LRCH1: variants seen among roughly 807,000 people sequenced by gnomAD.
The protein encoded by LRCH1 is leucine rich repeats and calponin homology domain containing 1.
Under a neutral mutation model 94.9 loss-of-function variants are expected in LRCH1, and 23 were observed. That is an observed-to-expected ratio of 0.24 (90% CI 0.17 to 0.34). The LOEUF is 0.34. LRCH1 is among the 10% of genes least tolerant of loss of function. LRCH1 has a pLI of 1.00. For missense variants in LRCH1, 790 were observed against 945.9 expected, an observed-to-expected ratio of 0.84 and a Z score of 2.16; for synonymous variants, 364 against 354.9, an observed-to-expected ratio of 1.03 and a Z score of -0.29.
At chr13:46,733,547 TATATAAACA>T (rs1873217595) in intron 18 of LRCH1, among the ~76,000 whole-genome samples, 1 of 152,176 alleles carries the variant, frequency 6.6e-6, no homozygotes, top group South Asian at 2.1e-4. Context: ...TGTGTGCATA[TATATAAACA>T]ATATAAACAT....
At chr13:46,718,009 C>T (rs748768791) in intron 16 of LRCH1, among the ~76,000 whole-genome samples, 3 of 152,124 alleles carry the variant, frequency 2.0e-5, no homozygotes, top group Non-Finnish European at 2.9e-5. Context: ...CTGGGCCCAC[C>T]CCTGGAGCTG....
At chr13:46,638,365 A>T (rs999734772) in intron 1 of LRCH1, among the ~76,000 whole-genome samples, 1 of 152,224 alleles carries the variant, frequency 6.6e-6, no homozygotes, top group African/African-American at 2.4e-5. Context: ...CTTCAGCAAT[A>T]TGTTAAAACT....
At chr13:46,556,327 G>T (rs1470288195) in intron 1 of LRCH1, among the ~76,000 whole-genome samples, 1 of 152,198 alleles carries the variant, frequency 6.6e-6, no homozygotes, top group Non-Finnish European at 1.5e-5. Context: ...AAGAAACATA[G>T]AATAGATGTC....
intron 3 of LRCH1, among the ~76,000 whole-genome samples, chr13:46,675,459 C>G (rs2051659033): frequency 6.6e-6 from 1 of 152,132 alleles, no homozygotes; most frequent in African/African-American, 2.4e-5. Context: ...TTAAAACCTG[C>G]TTTTCTAATC....
At chr13:46,585,966 T>C (rs2050430847) in intron 1 of LRCH1, among the ~76,000 whole-genome samples, 1 of 152,244 alleles carries the variant, frequency 6.6e-6, no homozygotes, top group South Asian at 2.1e-4. Flanking sequence ...CCCTGTTTTG[T>C]AATTTCCCAG....
chr13:46,690,880 A>G (rs756770291), intron 7 of LRCH1, among the ~76,000 whole-genome samples: 33 of 152,194 alleles, frequency 2.2e-4, no homozygotes, highest in Non-Finnish European at 4.0e-4. Context: ...TCCCATTTAG[A>G]TGACATTGTG....
intron 1 of LRCH1, among the ~76,000 whole-genome samples, chr13:46,606,611 G>A (rs193156430): frequency 7.8e-4 from 118 of 152,194 alleles, no homozygotes; most frequent in Admixed American, 4.5e-3. Context: ...TCACTCTGTC[G>A]CCCATGCTGG....
intron 1 of LRCH1, among the ~76,000 whole-genome samples, chr13:46,621,150 C>T (rs1027760203): frequency 4.6e-5 from 7 of 152,328 alleles, no homozygotes; most frequent in South Asian, 4.1e-4. Flanking sequence ...ACATGCGTTC[C>T]GCTAGTGTCA....
At chr13:46,565,812 A>AAGTAATAATAAT (rs111417920) in intron 1 of LRCH1, among the ~76,000 whole-genome samples, 3 of 140,146 alleles carry the variant, frequency 2.1e-5, no homozygotes, top group African/African-American at 7.9e-5. Context: ...TCTGTCTCCA[A>AAGTAATAATAAT]AATAATAATA....
chr13:46,615,594 C>T (rs543251775), intron 1 of LRCH1, among the ~76,000 whole-genome samples: 4 of 152,282 alleles, frequency 2.6e-5, no homozygotes, highest in Non-Finnish European at 4.4e-5. Flanking sequence ...AACCCAGCTT[C>T]GAGCTCCCTT....
chr13:46,624,488 C>T lies in LRCH1; in HGVS notation c.308-25713C>T, dbSNP rs1594294947. Among the ~76,000 whole-genome samples, 3 of 152,302 alleles carry T rather than the reference C, an allele frequency of 2.0e-5. No homozygotes were observed. In the South Asian group the frequency reaches 6.2e-4, roughly 32 times the overall value. ...AGACGGGGCTATTGCATTCCATTTT[C>T]AGGGAATGCTCTTTCATTTTTCGTT... On this transcript the variant is annotated intron_variant, in intron 1 of 19. Transcript: ENST00000389797.
chr13:46,747,649 G>T (rs996309650), downstream of LRCH1, among the ~76,000 whole-genome samples: 3 of 152,284 alleles, frequency 2.0e-5, no homozygotes, highest in Non-Finnish European at 2.9e-5. Context: ...TTCAAAAATT[G>T]CTGTTCACAT....
chr13:46,558,036 T>TAAACAAAC (rs148392778), intron 1 of LRCH1, among the ~76,000 whole-genome samples: 4 of 151,638 alleles, frequency 2.6e-5, no homozygotes, highest in Non-Finnish European at 5.9e-5. Context: ...GACCCTGCCT[T>TAAACAAAC]AAACAAACAA....
chr13:46,681,796 C>T lies in LRCH1; in HGVS notation c.635C>T (p.Ser212Phe), dbSNP rs761448015. The change falls in exon 4 of 20, where the codon TCT (serine) becomes TTT (phenylalanine). Residue 212 changes from serine to phenylalanine, a missense_variant. This residue lies in a region of LRCH1 where 194 missense variants were observed against 293.5 expected (regional missense o/e 0.66). Transcript: ENST00000389797. ...ALPQQIGQLK[S>F]LRELNVRRNY... ...CCCCAGCAGATAGGTCAGTTGAAAT[C>T]TCTACGAGAACTGAATGTCAGAAGA... 1 of 1,613,604 alleles carries T rather than the reference C, an allele frequency of 6.2e-7. No individual in the cohort carries two copies. The highest frequency in any genetic ancestry group is 1.3e-5 in the African/African-American group (1 of 74,864).
intron 3 of LRCH1, among the ~76,000 whole-genome samples, chr13:46,673,478 A>G (rs2762129): frequency 0.033 from 4,715 of 142,734 alleles, 288 homozygotes; most frequent in African/African-American, 0.12. Flanking sequence ...AGGTAACCAT[A>G]TCATTATTTT....
At chr13:46,665,461 G>C (rs2051502295) in intron 2 of LRCH1, among the ~76,000 whole-genome samples, 1 of 152,202 alleles carries the variant, frequency 6.6e-6, no homozygotes, top group Non-Finnish European at 1.5e-5. Flanking sequence ...AGAATGTTTA[G>C]ATTATATTGA....
chr13:46,596,799 C>G (rs979126983), intron 1 of LRCH1, among the ~76,000 whole-genome samples: 5 of 152,190 alleles, frequency 3.3e-5, no homozygotes, highest in African/African-American at 1.2e-4. Context: ...TGGCTAGGTC[C>G]ATGGCAATCG....
chr13:46,719,216 C>T (rs560080489), intron 16 of LRCH1, among the ~76,000 whole-genome samples: 43 of 152,304 alleles, frequency 2.8e-4, no homozygotes, highest in Admixed American at 9.1e-4. Flanking sequence ...AAAACTCAGG[C>T]GACTGATCAT....
At chr13:46,612,022 T>G (rs976880803) in intron 1 of LRCH1, among the ~76,000 whole-genome samples, 2 of 152,228 alleles carry the variant, frequency 1.3e-5, no homozygotes, top group Non-Finnish European at 2.9e-5. Context: ...ATGGCAAATC[T>G]TGCCCTTAAG....
Sources: gnomAD v4.1 joint callset for allele counts (sites outside exome capture counted in the v4.1 genomes callset) on GRCh38, gnomAD v4.1.1 for gene constraint, gnomAD v4.1.1 regional missense constraint, MANE v1.5 for transcripts, NCBI Gene and HGNC (gene_info 2026-07-23, HGNC 2026-07-21) for gene names.